Variants in SCN8A observed in about 807,000 individuals in gnomAD.
SCN8A encodes the protein sodium channel protein type 8 subunit alpha.
SCN8A carries 30 observed loss-of-function variants against 184.1 expected under a neutral mutation model. The ratio of observed to expected loss-of-function variants is 0.16; its 90% CI spans 0.12 to 0.22. SCN8A has a LOEUF of 0.22. SCN8A is among the 10% of genes least tolerant of loss of function. The pLI is 1.00. For missense variants in SCN8A, 1,057 were observed against 2,498.9 expected (o/e 0.42, Z 12.30); for synonymous variants, 852 against 907.0 (o/e 0.94, Z 1.09).
chr12:51,668,183 CAA>C (rs10535000), intron 2 of SCN8A, among the ~76,000 whole-genome samples: 108,627 of 140,374 alleles, frequency 0.77, 42,282 homozygotes, highest in East Asian at 0.98. Flanking sequence ...AACTCCATCT[CAA>C]AAAAAAAAAA....
intron 1 of SCN8A, among the ~76,000 whole-genome samples, chr12:51,595,144 C>T (rs1178587341): frequency 6.6e-6 from 1 of 152,190 alleles, no homozygotes; most frequent in Non-Finnish European, 1.5e-5. Context: ...AACACTAGTA[C>T]AATGCCTCTC....
intron 8 of SCN8A, among the ~76,000 whole-genome samples, chr12:51,702,464 A>G (rs1335625050): frequency 1.3e-5 from 2 of 152,330 alleles, no homozygotes; most frequent in East Asian, 3.9e-4. Context: ...ATCACCTGGC[A>G]TACCTCTTAA....
intron 1 of SCN8A, among the ~76,000 whole-genome samples, chr12:51,631,323 G>A (rs924705206): frequency 1.3e-5 from 2 of 152,128 alleles, no homozygotes; most frequent in Non-Finnish European, 2.9e-5. Context: ...TTACCAATAT[G>A]CCCCCCAAGC....
chr12:51,747,546 G>C (rs1220599074), intron 13 of SCN8A, among the ~76,000 whole-genome samples: 5 of 152,124 alleles, frequency 3.3e-5, no homozygotes, highest in Non-Finnish European at 7.4e-5. Flanking sequence ...TTTATTATTG[G>C]TAGAGACATC....
chr12:51,742,123 G>A (rs1026763370), intron 12 of SCN8A, among the ~76,000 whole-genome samples: 3 of 152,070 alleles, frequency 2.0e-5, no homozygotes, highest in Non-Finnish European at 2.9e-5. Flanking sequence ...ACTTTTTGTT[G>A]TTTCTCTTTA....
intron 21 of SCN8A, among the ~76,000 whole-genome samples, 169 bp downstream of exon 21, chr12:51,780,940 C>A (rs771626262): frequency 9.2e-5 from 14 of 152,154 alleles, no homozygotes; most frequent in Non-Finnish European, 1.8e-4. Flanking sequence ...AGGGGAATTG[C>A]GTTAAGCTGC....
chr12:51,741,516 G>C (rs912377427), intron 12 of SCN8A, among the ~76,000 whole-genome samples: 42 of 152,000 alleles, frequency 2.8e-4, no homozygotes, highest in African/African-American at 8.9e-4. Flanking sequence ...TTGTTTTCTG[G>C]TTGTTTTGCG....
At chr12:51,770,360 C>A in intron 18 of SCN8A, 169 bp from the exon 19 acceptor site, 1 of 754,140 alleles carries the variant, frequency 1.3e-6, no homozygotes, top group Non-Finnish European at 2.1e-6. Flanking sequence ...TGCAGCATAG[C>A]CCCAGCCCTG....
At chr12:51,623,664 G>A (rs1484513416) in intron 1 of SCN8A, among the ~76,000 whole-genome samples, 1 of 152,076 alleles carries the variant, frequency 6.6e-6, no homozygotes, top group Non-Finnish European at 1.5e-5. Context: ...TGCACAACGT[G>A]CAGGTTAGTT....
In SCN8A at chr12:51,706,604, G is replaced by T; in HGVS notation, c.1524G>T (p.Glu508Asp). ...RKQKELSEGE[E>D]KGDPEKVFKS... ...AAAAGGAACTCTCTGAAGGAGAGGA[G>T]AAAGGGGATCCCGAGAAGGTGTTTA... The change falls in exon 11 of 27, where the codon GAG (glutamate) becomes GAT (aspartate). Residue 508 changes from glutamate to aspartate, a missense_variant. Glu to Asp is a conservative substitution (Grantham distance 45). This residue lies in a region of SCN8A where 322 missense variants were observed against 390.1 expected (regional missense o/e 0.83). Coordinates refer to ENST00000627620, the MANE Select transcript of SCN8A (RefSeq NM_001330260.2). 1 of 1,609,240 alleles carries T rather than the reference G, an allele frequency of 6.2e-7. No homozygotes were observed. The highest frequency in any genetic ancestry group is 1.1e-5 in the South Asian group (1 of 89,972).
chr12:51,722,806 T>C (rs1444797168), intron 12 of SCN8A: 1 of 152,226 alleles, frequency 6.6e-6, no homozygotes, highest in Non-Finnish European at 1.5e-5. Flanking sequence ...AAATCAGTTA[T>C]CTAGAGGTTT....
At chr12:51,644,820 G>C (rs1294410651) in intron 1 of SCN8A, among the ~76,000 whole-genome samples, 14 of 151,240 alleles carry the variant, frequency 9.3e-5, no homozygotes, top group Non-Finnish European at 1.3e-4. Context: ...CATCACATCT[G>C]GGAAGTGAGG....
At position 51,770,515 on chromosome 12, in the gene SCN8A, C is replaced by T; in HGVS notation, c.3491-14C>T. The stretch of plus-strand genomic sequence containing the variant: ...CGTTTCCACGGTCTGACCCGCCTCT[C>T]CCGCTGGTGCCAGGTTGTGTCCAGC... On this transcript the variant is annotated splice_polypyrimidine_tract_variant and intron_variant, in intron 18 of 26. Coordinates refer to ENST00000627620, the MANE Select transcript of SCN8A (RefSeq NM_001330260.2). 2 of 1,578,450 alleles carry T rather than the reference C, an allele frequency of 1.3e-6. No homozygotes were observed. The highest frequency in any genetic ancestry group is 2.3e-5 in the South Asian group (2 of 86,096).
intron 1 of SCN8A, among the ~76,000 whole-genome samples, chr12:51,647,277 AC>A (rs1245121559): frequency 6.6e-6 from 1 of 152,246 alleles, no homozygotes; most frequent in African/African-American, 2.4e-5. Flanking sequence ...TTATATCCAC[AC>A]TAGGCCTCTG....
Position 51,687,106 on chromosome 12 carries a change from G to A in SCN8A, c.501G>A (p.Gly167=). The A allele has an allele frequency of 6.2e-7, 1 of 1,613,394 alleles. No homozygotes were observed. The highest frequency in any genetic ancestry group is 1.1e-5 in the South Asian group (1 of 91,066). ...TCTTTGACAGGTACACGTTCACAGGGATTTATACATTTGAATCACTAGTGA... is the reference window on the plus strand; with the variant it reads ...TCTTTGACAGGTACACGTTCACAGGAATTTATACATTTGAATCACTAGTGA... The part of the protein sequence containing the change: ...WSKNVEYTFT[G]IYTFESLVKI... Residue 167 remains glycine (G), a synonymous_variant, in exon 5 of 27, where the codon GGG becomes GGA. Transcript: ENST00000627620.
intron 13 of SCN8A, among the ~76,000 whole-genome samples, chr12:51,746,456 ACTT>A (rs1339699789): frequency 6.6e-6 from 1 of 152,060 alleles, no homozygotes; most frequent in Non-Finnish European, 1.5e-5. Context: ...CTTTTTAACT[ACTT>A]ACAGCCCTTT....
At chr12:51,600,400 C>G (rs1183847567) in intron 1 of SCN8A, among the ~76,000 whole-genome samples, 1 of 152,100 alleles carries the variant, frequency 6.6e-6, no homozygotes, top group African/African-American at 2.4e-5. Context: ...TTCATGACAG[C>G]CATACTATTT....
At position 51,670,305 on chromosome 12, in the gene SCN8A, T is replaced by A. The variant is rs998852196; in HGVS notation, c.276+7212T>A. On this transcript the variant is annotated intron_variant, in intron 2 of 26. Coordinates refer to ENST00000627620, the MANE Select transcript of SCN8A (RefSeq NM_001330260.2). ...TCTTATTTCTGATCCCATCCCTGTGTAATTCCAGGTGATCTTGGGCATGCT... is the reference window on the plus strand; with the variant it reads ...TCTTATTTCTGATCCCATCCCTGTGAAATTCCAGGTGATCTTGGGCATGCT... Among the ~76,000 whole-genome samples the A allele has an allele frequency of 4.6e-5, 7 of 152,232 alleles. No individual in the cohort carries two copies. In the East Asian group the frequency reaches 1.3e-3, roughly 29 times the overall value.
chr12:51,634,096 A>G (rs1423120717), intron 1 of SCN8A, among the ~76,000 whole-genome samples: 1 of 152,240 alleles, frequency 6.6e-6, no homozygotes, highest in African/African-American at 2.4e-5. Context: ...GAGTCAAACA[A>G]TGAACTACTG....
Sources: gnomAD v4.1 joint callset for allele counts (sites outside exome capture counted in the v4.1 genomes callset) on GRCh38, gnomAD v4.1.1 for gene constraint, gnomAD v4.1.1 regional missense constraint, MANE v1.5 for transcripts, NCBI Gene and HGNC (gene_info 2026-07-23, HGNC 2026-07-21) for gene names.